The following FBXL17 variants were observed in gnomAD, a reference collection of about 807,000 sequenced individuals.
FBXL17 encodes the protein F-box and leucine rich repeat protein 17.
Under a neutral mutation model 66.2 loss-of-function variants are expected in FBXL17, and 22 were observed. That is an observed-to-expected ratio of 0.33 (90% CI 0.24 to 0.47). The LOEUF (loss-of-function observed/expected upper bound fraction) is 0.47. Among genes scored for constraint, FBXL17 ranks in the 20% least tolerant of loss-of-function variants. The pLI is 1.00. For missense variants in FBXL17, 878 were observed against 948.2 expected, an observed-to-expected ratio of 0.93 and a Z score of 0.97; for synonymous variants, 474 against 400.5, an observed-to-expected ratio of 1.18 and a Z score of -2.19.
intron 8 of FBXL17, among the ~76,000 whole-genome samples, chr5:107,864,591 T>C (rs1475278636): frequency 6.6e-6 from 1 of 152,212 alleles, no homozygotes; most frequent in African/African-American, 2.4e-5. Flanking sequence ...CTGCCCATCA[T>C]GGCTTGGTGC....
chr5:107,938,963 C>T (rs189982982), intron 7 of FBXL17, among the ~76,000 whole-genome samples: 1 of 152,116 alleles, frequency 6.6e-6, no homozygotes, highest in Non-Finnish European at 1.5e-5. Context: ...TTCTAAAATA[C>T]AAAAACTCTT....
intron 4 of FBXL17, among the ~76,000 whole-genome samples, chr5:108,286,188 C>A (rs528785777): frequency 6.6e-6 from 1 of 152,050 alleles, no homozygotes; most frequent in African/African-American, 2.4e-5. Flanking sequence ...CAACATCATA[C>A]TGAATGGGCA....
At chr5:108,017,366 A>G (rs554880494) in intron 7 of FBXL17, among the ~76,000 whole-genome samples, 23 of 152,312 alleles carry the variant, frequency 1.5e-4, no homozygotes, top group African/African-American at 5.5e-4. Flanking sequence ...ATGTAGGTCA[A>G]ATTTCTAAAT....
chr5:107,921,388 G>A (rs918216627), intron 7 of FBXL17, among the ~76,000 whole-genome samples: 5 of 152,166 alleles, frequency 3.3e-5, no homozygotes, highest in Non-Finnish European at 7.4e-5. Flanking sequence ...ATATTTGCAT[G>A]TAAAGTATTA....
At chr5:108,189,379 A>G (rs535331559) in intron 5 of FBXL17, among the ~76,000 whole-genome samples, 22 of 152,116 alleles carry the variant, frequency 1.4e-4, no homozygotes, top group African/African-American at 4.6e-4. Context: ...TGGTAAGAAA[A>G]AAAGCACAAG....
rs1000211060 is a variant in FBXL17 at position 108,055,280 on chromosome 5, G to GAAAAAAAAAAAA, written c.1746-34291_1746-34280dup. ...ATTTTTAAATGACATAGAATTTTTAGAAAAAAAAAAAAAAAAAAAAAAAAA... is the reference window on the plus strand; with the variant it reads ...ATTTTTAAATGACATAGAATTTTTAGAAAAAAAAAAAAAAAAAAAAAAAAAAAAAAAAAAAAA... On this transcript the variant is annotated intron_variant, in intron 6 of 8. Transcript: ENST00000542267. Among the ~76,000 whole-genome samples the GAAAAAAAAAAAA allele has an allele frequency of 3.0e-4, 7 of 23,706 alleles. 1 individual carries two copies. Among genetic ancestry groups the GAAAAAAAAAAAA allele is most frequent in the Non-Finnish European group, 3.9e-4 (5 of 12,720 alleles). The allele number at this position is 23,706 out of a possible 152,430, so 15.6% of individuals were successfully genotyped here. A position where few individuals can be genotyped will look rare whatever the true frequency, so the allele number is the denominator to read the frequency against.
intron 6 of FBXL17, among the ~76,000 whole-genome samples, chr5:108,116,824 A>G (rs993481590): frequency 6.6e-6 from 1 of 152,130 alleles, no homozygotes; most frequent in African/African-American, 2.4e-5. Flanking sequence ...TTAATTCCCA[A>G]TCTGGCCAGC....
intron 4 of FBXL17, among the ~76,000 whole-genome samples, chr5:108,318,754 G>C (rs374620998): frequency 3.3e-4 from 50 of 151,992 alleles, no homozygotes; most frequent in East Asian, 1.9e-3. Flanking sequence ...GATGCTCTCA[G>C]ATAGTGAAAT....
intron 4 of FBXL17, among the ~76,000 whole-genome samples, chr5:108,320,267 T>C (rs1432768849): frequency 6.6e-6 from 1 of 151,698 alleles, no homozygotes; most frequent in Non-Finnish European, 1.5e-5. Flanking sequence ...TCACTAGGTC[T>C]GGTATAGCTA....
At chr5:108,166,626 A>C (rs191005822) in intron 6 of FBXL17, among the ~76,000 whole-genome samples, 153 of 152,332 alleles carry the variant, frequency 1.0e-3, no homozygotes, top group African/African-American at 3.3e-3. Flanking sequence ...AACATGGTAA[A>C]AAGATGAAAA....
At chr5:107,862,917 G>C (rs930799666) in intron 8 of FBXL17, among the ~76,000 whole-genome samples, 2 of 151,346 alleles carry the variant, frequency 1.3e-5, no homozygotes, top group Non-Finnish European at 3.0e-5. Context: ...TTTTCTAAGT[G>C]ATCTAGAAAA....
At chr5:108,174,701 TCATA>T (rs1250572515) in intron 6 of FBXL17, among the ~76,000 whole-genome samples, 2 of 135,240 alleles carry the variant, frequency 1.5e-5, no homozygotes, top group Admixed American at 7.8e-5. Context: ...AAAGAAAAAC[TCATA>T]CAATTTTTTT....
rs375490033 is a variant in FBXL17, at chr5:108,122,188, G to A, written c.1745+63929C>T. Among the ~76,000 whole-genome samples, 37 of 152,038 alleles carry A rather than the reference G, an allele frequency of 2.4e-4. No individual in the cohort carries two copies. In the South Asian group the frequency reaches 7.5e-3, roughly 31 times the overall value. ...TTTTATATAATTTATGAAGTACTAA[G>A]TACAATGCACATATATTTGATTCTC... On this transcript the variant is annotated intron_variant, in intron 6 of 8. Transcript: ENST00000542267.
intron 6 of FBXL17, among the ~76,000 whole-genome samples, chr5:108,054,628 A>G (rs1379476087): frequency 6.6e-6 from 1 of 152,060 alleles, no homozygotes; most frequent in Non-Finnish European, 1.5e-5. Flanking sequence ...TAGGGTCACA[A>G]TTTTTCTGTG....
chr5:108,374,530 C>T (rs150633130), intron 1 of FBXL17, among the ~76,000 whole-genome samples: 1,624 of 151,984 alleles, frequency 0.011, 16 homozygotes, highest in Non-Finnish European at 0.017. Flanking sequence ...AAAAATTAGC[C>T]GGGCGTGGTG....
rs151003355 is a variant in FBXL17, at chr5:108,143,595, A to G, written c.1745+42522T>C. Among the ~76,000 whole-genome samples the G allele has an allele frequency of 3.0e-3, 458 of 152,184 alleles. 4 individuals carry two copies. Among genetic ancestry groups the G allele is most frequent in the African/African-American group, 0.011 (436 of 41,518 alleles). ...TCCCCCACCTTCTTTTATGCATATG[A>G]ATATTTAAGTATATTTTGAAGCCCA... On this transcript the variant is annotated intron_variant, in intron 6 of 8. Coordinates refer to ENST00000542267, the MANE Select transcript of FBXL17 (RefSeq NM_001163315.3).
intron 7 of FBXL17, among the ~76,000 whole-genome samples, chr5:107,959,429 TA>T (rs199850600): frequency 7.4e-6 from 1 of 135,540 alleles, no homozygotes; most frequent in East Asian, 2.0e-4. Flanking sequence ...GGCAACACTT[TA>T]TTATTGAAAC....
At chr5:108,342,808 A>G (rs1187371779) in intron 4 of FBXL17, among the ~76,000 whole-genome samples, 1 of 152,246 alleles carries the variant, frequency 6.6e-6, no homozygotes. Context: ...AATACTCAAT[A>G]AAAGATAACT....
intron 6 of FBXL17, among the ~76,000 whole-genome samples, chr5:108,085,578 C>T (rs1020435758): frequency 1.9e-4 from 29 of 152,160 alleles, no homozygotes; most frequent in Admixed American, 1.6e-3. Flanking sequence ...CACTGTGTGC[C>T]GTTGGGGCTC....
Sources: allele counts gnomAD v4.1 joint callset (sites outside exome capture counted in the v4.1 genomes callset), GRCh38; gene constraint gnomAD v4.1.1; transcripts MANE v1.5; gene names NCBI Gene and HGNC (gene_info 2026-07-23, HGNC 2026-07-21).